The following PDE4D variants were observed in gnomAD, a reference collection of about 807,000 sequenced individuals.
PDE4D encodes the protein 3',5'-cyclic-AMP phosphodiesterase 4D.
In PDE4D, 24 loss-of-function variants were observed where a neutral mutation model predicts 87.4. The observed-to-expected ratio is 0.27, with a 90% CI of 0.20 to 0.39. The LOEUF (loss-of-function observed/expected upper bound fraction) is 0.39, where lower values mean the gene tolerates loss of function less well. PDE4D is among the 10% of genes least tolerant of loss of function. PDE4D has a pLI of 1.00. For missense variants in PDE4D, 714 were observed against 1,041.0 expected (o/e 0.69, Z 4.32); for synonymous variants, 384 against 383.2 (o/e 1.00, Z -0.02).
intron 1 of PDE4D, among the ~76,000 whole-genome samples, chr5:59,555,047 C>A (rs908885352): frequency 2.0e-5 from 3 of 152,144 alleles, no homozygotes; most frequent in Non-Finnish European, 4.4e-5. Context: ...AAGGCACATG[C>A]ACACATATGT....
chr5:59,280,890 AAG>A (rs147307176), intron 1 of PDE4D, among the ~76,000 whole-genome samples: 35,114 of 151,826 alleles, frequency 0.23, 4,397 homozygotes, highest in Admixed American at 0.34. Flanking sequence ...TTTTCTAGAG[AAG>A]GATATAAATA....
intron 5 of PDE4D, among the ~76,000 whole-genome samples, chr5:59,113,462 C>T (rs1773032307): frequency 6.6e-6 from 1 of 152,132 alleles, no homozygotes; most frequent in African/African-American, 2.4e-5. Context: ...AAAAACACAT[C>T]AACAAATCAA....
chr5:59,521,937 G>T (rs1219812373), intron 1 of PDE4D, among the ~76,000 whole-genome samples: 1 of 152,154 alleles, frequency 6.6e-6, no homozygotes, highest in Non-Finnish European at 1.5e-5. Context: ...AAGATAAAAA[G>T]ATAGTAGCCG....
chr5:59,245,356 G>A (rs1406213261), intron 1 of PDE4D, among the ~76,000 whole-genome samples: 3 of 152,060 alleles, frequency 2.0e-5, no homozygotes, highest in Non-Finnish European at 4.4e-5. Context: ...GTGGTCAAAG[G>A]TTCCCTAAAT....
chr5:60,052,594 C>T (rs966248982), intron 2 of PDE4D, among the ~76,000 whole-genome samples: 1 of 152,160 alleles, frequency 6.6e-6, no homozygotes, highest in Non-Finnish European at 1.5e-5. Flanking sequence ...ACCAAATGGG[C>T]AAAAGCTGGA....
At chr5:60,328,079 C>T (rs927699472) in intron 1 of PDE4D, among the ~76,000 whole-genome samples, 2 of 152,126 alleles carry the variant, frequency 1.3e-5, no homozygotes, top group African/African-American at 4.8e-5. Context: ...AAGTACAACC[C>T]TCCTTATTGG....
rs1042760598 is a variant in PDE4D at position 60,155,347 on chromosome 5, C to A, written c.42+30210G>T. On this transcript the variant is annotated intron_variant, in intron 2 of 16. Transcript: ENST00000502484. ...GGTTTTCCTCAATGATTAGATTGAG[C>A]CCCTTTTTATATGCTTATTGACTAT... 7.9e-5 allele frequency among the ~76,000 whole-genome samples: 12 copies of A among 152,176 alleles called. No individual in the cohort carries two copies. The East Asian group carries it at 2.3e-3, about 29-fold the overall frequency.
rs556632256 is a variant in PDE4D at position 59,744,619 on chromosome 5, T to G, written c.455+148549A>C. ...TCTAGAGCCACCCTGCTTAAGAGAT[T>G]TAAAAGCAGACAGATCAAAGCATGT... On this transcript the variant is annotated intron_variant, in intron 1 of 14. Transcript: ENST00000340635. Among the ~76,000 whole-genome samples, 32 of 152,214 alleles carry G rather than the reference T, an allele frequency of 2.1e-4. 1 individual carries two copies. The highest frequency in any genetic ancestry group is 7.5e-4 in the African/African-American group (31 of 41,552).
intron 1 of PDE4D, among the ~76,000 whole-genome samples, chr5:60,412,183 A>T (rs1047782415): frequency 2.0e-5 from 3 of 152,168 alleles, no homozygotes; most frequent in African/African-American, 7.2e-5. Context: ...CTTCAAAAGA[A>T]CACTAGGAAA....
chr5:59,776,420 G>A (rs765508604), intron 1 of PDE4D, among the ~76,000 whole-genome samples: 1 of 152,020 alleles, frequency 6.6e-6, no homozygotes, highest in South Asian at 2.1e-4. Context: ...ACTTTCATGC[G>A]GTGTTATTAT....
At chr5:60,050,716 C>T (rs1016052934) in intron 2 of PDE4D, among the ~76,000 whole-genome samples, 2 of 152,054 alleles carry the variant, frequency 1.3e-5, no homozygotes, top group Admixed American at 1.3e-4. Context: ...GGGATAAATG[C>T]CCCAATTAAA....
chr5:59,935,124 A>T (rs571651207), intron 3 of PDE4D, among the ~76,000 whole-genome samples: 3 of 152,300 alleles, frequency 2.0e-5, no homozygotes, highest in African/African-American at 7.2e-5. Flanking sequence ...TATCCAATCC[A>T]TTGGGCATAG....
At position 59,864,393 on chromosome 5, in the gene PDE4D, T is replaced by G. The variant is rs138044988; in HGVS notation, c.455+28775A>C. On this transcript the variant is annotated intron_variant, in intron 1 of 14. Coordinates refer to ENST00000340635, the MANE Select transcript of PDE4D (RefSeq NM_001104631.2). ...TGTAACCTGCATGTAAAAGAGATTT[T>G]CTGTGAATTGACTCTAACAAATGCT... 4.4e-3 allele frequency among the ~76,000 whole-genome samples: 672 copies of G among 152,328 alleles called. 7 individuals are homozygous for G. The highest frequency in any genetic ancestry group is 0.015 in the African/African-American group (636 of 41,586).
In PDE4D at chr5:60,354,397, T is replaced by A. The variant is rs754982352; in HGVS notation, c.-90+133545A>T. On this transcript the variant is annotated intron_variant, in intron 1 of 16. Transcript: ENST00000502484. ...ATGCTGAGATGTGTTAAAGTTAAGT[T>A]TGGCACACAGCAGATTCTTTACTTG... is the stretch of plus-strand genomic sequence containing the variant. Among the ~76,000 whole-genome samples the A allele has an allele frequency of 1.5e-4, 23 of 152,304 alleles. 1 individual carries two copies. Among genetic ancestry groups the A allele is most frequent in the East Asian group, 9.6e-4 (5 of 5,184 alleles).
chr5:60,327,280 C>T (rs1228206157), intron 1 of PDE4D, among the ~76,000 whole-genome samples: 3 of 152,058 alleles, frequency 2.0e-5, no homozygotes, highest in South Asian at 2.1e-4. Context: ...AACTAAATTA[C>T]GTGTGAAGAC....
intron 1 of PDE4D, among the ~76,000 whole-genome samples, chr5:60,198,219 A>G (rs1741499103): frequency 6.6e-6 from 1 of 151,576 alleles, no homozygotes; most frequent in African/African-American, 2.4e-5. Flanking sequence ...TGTGGTAGAT[A>G]AAATAAACTC....
chr5:59,343,417 A>C lies in PDE4D; in HGVS notation c.456-127449T>G, dbSNP rs114293354. Reference sequence around the variant, plus strand: ...TCCACATAGAAGTGAGATCATATACATCTCTCCTTTTGCTTATACTTACTA... The same window carrying C: ...TCCACATAGAAGTGAGATCATATACCTCTCTCCTTTTGCTTATACTTACTA... On this transcript the variant is annotated intron_variant, in intron 1 of 14. Coordinates refer to ENST00000340635, the MANE Select transcript of PDE4D (RefSeq NM_001104631.2). Among the ~76,000 whole-genome samples, 938 of 152,226 alleles carry C rather than the reference A, an allele frequency of 6.2e-3. 4 individuals carry two copies. The highest frequency in any genetic ancestry group is 0.022 in the African/African-American group (896 of 41,528).
intron 1 of PDE4D, among the ~76,000 whole-genome samples, chr5:59,220,662 C>T (rs575533574): frequency 2.3e-4 from 35 of 152,080 alleles, no homozygotes; most frequent in African/African-American, 8.2e-4. Context: ...TTATAGATGG[C>T]TTCAAATAAG....
intron 5 of PDE4D, among the ~76,000 whole-genome samples, chr5:59,123,015 A>G (rs942450241): frequency 2.0e-5 from 3 of 151,214 alleles, no homozygotes; most frequent in African/African-American, 7.3e-5. Flanking sequence ...GGCATTCTGC[A>G]TTCTCTGTTT....
Sources: gnomAD v4.1 joint callset for allele counts (sites outside exome capture counted in the v4.1 genomes callset) on GRCh38, gnomAD v4.1.1 for gene constraint, MANE v1.5 for transcripts, NCBI Gene and HGNC (gene_info 2026-07-23, HGNC 2026-07-21) for gene names.